The following OR1J2 variants were observed in gnomAD, a reference collection of about 807,000 sequenced individuals.
OR1J2 encodes olfactory receptor 1J2.
For missense variants in OR1J2, 304 were observed against 246.1 expected, an observed-to-expected ratio of 1.24 and a Z score of -1.57; for synonymous variants, 142 against 99.7, an observed-to-expected ratio of 1.42 and a Z score of -2.52.
At chr9:122,456,429 C>T in the OR1J2 span, among the ~76,000 whole-genome samples, 2 of 152,172 alleles carry the variant, frequency 1.3e-5, no homozygotes, top group African/African-American at 4.8e-5. Flanking sequence ...TCTGCCAAGA[C>T]AGGGGAACAG....
chr9:122,559,450 T>A, the OR1J2 span, among the ~76,000 whole-genome samples: 1 of 152,136 alleles, frequency 6.6e-6, no homozygotes, highest in Admixed American at 6.6e-5. Context: ...CTGCTTTCTC[T>A]TGTGGGCATT....
At chr9:122,508,862 A>G (rs1303899990), upstream of OR1J2, among the ~76,000 whole-genome samples, 1 of 152,248 alleles carries the variant, frequency 6.6e-6, no homozygotes, top group Non-Finnish European at 1.5e-5. Flanking sequence ...TAAAATGGGT[A>G]TCAGTGGGTT....
At chr9:122,492,863 A>G in the OR1J2 span, among the ~76,000 whole-genome samples, 19 of 152,170 alleles carry the variant, frequency 1.2e-4, no homozygotes, top group African/African-American at 4.1e-4. Flanking sequence ...GATGGCTTTT[A>G]TTACCTTAAA....
the OR1J2 span, among the ~76,000 whole-genome samples, chr9:122,496,381 G>C: frequency 2.6e-5 from 4 of 152,302 alleles, no homozygotes; most frequent in East Asian, 1.9e-4. Context: ...AGCTTAGACT[G>C]TCCTTGGGTG....
At chr9:122,481,295 G>A in the OR1J2 span, among the ~76,000 whole-genome samples, 4 of 152,142 alleles carry the variant, frequency 2.6e-5, no homozygotes, top group South Asian at 2.1e-4. Context: ...ATGGTAAAGC[G>A]CATTTCTTAA....
the OR1J2 span, among the ~76,000 whole-genome samples, chr9:122,476,669 A>T: frequency 6.6e-6 from 1 of 152,112 alleles, no homozygotes; most frequent in Non-Finnish European, 1.5e-5. Flanking sequence ...GGTAAATATC[A>T]GTTAGAATAA....
the OR1J2 span, among the ~76,000 whole-genome samples, chr9:122,578,754 C>T: frequency 1.3e-5 from 2 of 151,982 alleles, no homozygotes; most frequent in Non-Finnish European, 2.9e-5. Flanking sequence ...AGGAGCTGAG[C>T]TATGAGAACA....
chr9:122,519,602 C>T, the OR1J2 span: 2 of 1,614,004 alleles, frequency 1.2e-6, no homozygotes, highest in Non-Finnish European at 1.7e-6. Context: ...TCTCCTGTAC[C>T]AATGCCCTGT....
At chr9:122,568,299 A>G in the OR1J2 span, 5 of 1,613,990 alleles carry the variant, frequency 3.1e-6, no homozygotes, top group African/African-American at 5.3e-5. Context: ...GAAGAAATAC[A>G]TAGGGGTCTG....
At chr9:122,549,785 C>A in the OR1J2 span, among the ~76,000 whole-genome samples, 2 of 152,040 alleles carry the variant, frequency 1.3e-5, no homozygotes, top group African/African-American at 4.8e-5. Flanking sequence ...AATTTGAAGT[C>A]AGGTGATGTA....
the OR1J2 span, chr9:122,553,084 T>C: frequency 1.1e-6 from 1 of 881,744 alleles, no homozygotes; most frequent in Non-Finnish European, 1.7e-6. Flanking sequence ...CAAAGACCAT[T>C]TATTTTTCTT....
At chr9:122,561,608 G>A in the OR1J2 span, among the ~76,000 whole-genome samples, 1 of 152,028 alleles carries the variant, frequency 6.6e-6, no homozygotes, top group Non-Finnish European at 1.5e-5. Context: ...GGGCTGCTGT[G>A]GTTTGCTGGG....
chr9:122,477,374 G>A, the OR1J2 span: 5 of 1,613,948 alleles, frequency 3.1e-6, no homozygotes, highest in Admixed American at 6.7e-5. Context: ...GACAACTTGA[G>A]CAGGGCACCA....
At chr9:122,451,735 A>G in the OR1J2 span, among the ~76,000 whole-genome samples, 1 of 152,198 alleles carries the variant, frequency 6.6e-6, no homozygotes, top group Admixed American at 6.5e-5. Flanking sequence ...TAATATAATC[A>G]TGTCAATTTC....
the OR1J2 span, among the ~76,000 whole-genome samples, chr9:122,534,623 C>A: frequency 5.6e-4 from 85 of 151,934 alleles, 3 homozygotes; most frequent in South Asian, 0.016. Flanking sequence ...GGTGGAGGAG[C>A]GGAGGCTGAG....
the OR1J2 span, among the ~76,000 whole-genome samples, chr9:122,559,264 CT>C: frequency 7.9e-5 from 12 of 151,776 alleles, no homozygotes; most frequent in South Asian, 2.1e-3. Context: ...ATGAAATCAA[CT>C]TTTTTTGTTG....
chr9:122,482,261 A>G, the OR1J2 span, among the ~76,000 whole-genome samples: 1 of 152,186 alleles, frequency 6.6e-6, no homozygotes, highest in Non-Finnish European at 1.5e-5. Flanking sequence ...CAATAGGTAT[A>G]TGGAAAACCA....
chr9:122,527,195 A>T, the OR1J2 span: 1 of 1,614,124 alleles, frequency 6.2e-7, no homozygotes, highest in Non-Finnish European at 8.5e-7. Context: ...AGGTGACAAG[A>T]TACATACACA....
chr9:122,539,775 T>G, the OR1J2 span, among the ~76,000 whole-genome samples: 1 of 152,194 alleles, frequency 6.6e-6, no homozygotes, highest in Non-Finnish European at 1.5e-5. Context: ...CTCCAGCACC[T>G]GTTGTTTCCT....
Sources: gnomAD v4.1 joint callset for allele counts (sites outside exome capture counted in the v4.1 genomes callset) on GRCh38, gnomAD v4.1.1 for gene constraint, MANE v1.5 for transcripts, NCBI Gene and HGNC (gene_info 2026-07-23, HGNC 2026-07-21) for gene names.